Variants in CD46 observed in about 807,000 individuals in gnomAD.
The protein encoded by CD46 is membrane cofactor protein.
A neutral mutation model predicts 53.3 loss-of-function variants in CD46; 30 were observed. The ratio of observed to expected loss-of-function variants is 0.56; its 90% CI spans 0.42 to 0.76. The LOEUF is 0.76. CD46 is among the 30% of genes least tolerant of loss of function. The probability of loss-of-function intolerance (pLI) is 0.00; values close to 1 mark genes in which losing one functional copy is unlikely to be tolerated. For missense variants in CD46, 409 were observed against 463.0 expected, an observed-to-expected ratio of 0.88 and a Z score of 1.07; for synonymous variants, 142 against 152.0, an observed-to-expected ratio of 0.93 and a Z score of 0.48.
At chr1:207,759,516 T>A (rs1274689625) in intron 3 of CD46, 123 bp from the exon 4 acceptor site, 1 of 642,338 alleles carries the variant, frequency 1.6e-6, no homozygotes, top group Admixed American at 2.8e-5. Context: ...AGTATGTTGT[T>A]TAAGAAACCA....
intron 8 of CD46, among the ~76,000 whole-genome samples, chr1:207,779,587 G>T (rs565511562): frequency 8.9e-4 from 135 of 152,150 alleles, no homozygotes; most frequent in African/African-American, 2.9e-3. Context: ...TATGACTTTG[G>T]TGTCTTTCTT....
At chr1:207,782,415 C>A (rs1658833524) in intron 8 of CD46, among the ~76,000 whole-genome samples, 1 of 152,044 alleles carries the variant, frequency 6.6e-6, no homozygotes, top group South Asian at 2.1e-4. Context: ...ATTTGAATTT[C>A]TTTTTCTTAC....
intron 4 of CD46, 171 bp downstream of exon 4, chr1:207,759,895 AATTATT>A (rs1384783725): frequency 8.9e-6 from 5 of 563,700 alleles, no homozygotes. Context: ...GTTTTTAAAT[AATTATT>A]GATTCTTTTT....
At chr1:207,772,646 T>C (rs1388144639) in intron 8 of CD46, among the ~76,000 whole-genome samples, 1 of 152,248 alleles carries the variant, frequency 6.6e-6, no homozygotes, top group Non-Finnish European at 1.5e-5. Flanking sequence ...TTTCTGCATC[T>C]ATTGAAATAG....
At position 207,794,251 on chromosome 1, in the gene CD46, C is replaced by G. The variant is rs1660057675; in HGVS notation, c.*774C>G. The G allele has an allele frequency of 6.5e-6, 1 of 152,688 alleles. No homozygotes were observed. Among genetic ancestry groups the G allele is most frequent in the African/African-American group, 2.4e-5 (1 of 41,458 alleles). 9.5% of individuals were successfully genotyped at this position (152,688 alleles called of 1,614,324 possible). ...TTTGTTTTCACTTTTTAAAACATCC[C>G]TAACTGATCGAATATATCAGTAATT... On this transcript the variant is annotated 3_prime_UTR_variant, in exon 13 of 13. Transcript: ENST00000367042.
intron 1 of CD46, among the ~76,000 whole-genome samples, chr1:207,753,729 C>T (rs1280531613): frequency 1.3e-5 from 2 of 151,938 alleles, no homozygotes; most frequent in Admixed American, 6.6e-5. Context: ...TTGTGCGATA[C>T]GAACAGAATC....
intron 9 of CD46, chr1:207,783,574 AAAGCAATCTAAGTTGGGTTT>A: frequency 3.0e-6 from 1 of 336,260 alleles, no homozygotes; most frequent in Non-Finnish European, 5.5e-6. Context: ...CATGAACCTT[AAAGCAATCTAAGTTGGGTTT>A]ATTTTTTCTG....
intron 1 of CD46, among the ~76,000 whole-genome samples, chr1:207,753,125 A>G (rs867000245): frequency 6.6e-6 from 1 of 151,988 alleles, no homozygotes; most frequent in East Asian, 1.9e-4. Flanking sequence ...ACCAATATAG[A>G]TAGTATCTGA....
In CD46 at chr1:207,757,597, G is replaced by A. The variant is rs1655706754; in HGVS notation, c.344G>A (p.Gly115Glu). ...PLNGQAVPAN[G>E]TYEFGYQMHF... ...AATGGCCAAGCAGTCCCTGCAAATG[G>A]GACTTACGAGTTTGGTTATCAGATG... Residue 115 changes from glycine to glutamate, a missense_variant, in exon 3 of 13, where the codon GGG becomes GAG. Coordinates refer to ENST00000367042, the MANE Select transcript of CD46 (RefSeq NM_172351.3). The A allele has an allele frequency of 6.2e-7, 1 of 1,611,762 alleles. No individual in the cohort carries two copies. The highest frequency in any genetic ancestry group is 8.5e-7 in the Non-Finnish European group (1 of 1,178,716).
intron 11 of CD46, among the ~76,000 whole-genome samples, chr1:207,787,664 T>C (rs1659394970): frequency 6.6e-6 from 1 of 152,218 alleles, no homozygotes; most frequent in African/African-American, 2.4e-5. Flanking sequence ...CCTAATTGCC[T>C]TTGAACTTTA....
chr1:207,785,814 G>T (rs1353862550), intron 11 of CD46, 132 bp downstream of exon 11: 8 of 681,490 alleles, frequency 1.2e-5, no homozygotes, highest in African/African-American at 1.8e-5. Flanking sequence ...GCATTAGTTT[G>T]TCCTACCAAT....
chr1:207,785,798 ATGCC>A, intron 11 of CD46, 116 bp downstream of exon 11: 1 of 532,806 alleles, frequency 1.9e-6, no homozygotes, highest in Non-Finnish European at 3.3e-6. Context: ...TTTTAAAAAA[ATGCC>A]TGCATTAGTT....
At chr1:207,756,307 A>G (rs1655529627) in intron 1 of CD46, among the ~76,000 whole-genome samples, 1 of 152,248 alleles carries the variant, frequency 6.6e-6, no homozygotes, top group Non-Finnish European at 1.5e-5. Flanking sequence ...CTGAAAAGCA[A>G]CAGACTCATC....
At chr1:207,784,325 TAAG>T (rs1303278063) in intron 9 of CD46, among the ~76,000 whole-genome samples, 1 of 152,202 alleles carries the variant, frequency 6.6e-6, no homozygotes, top group Admixed American at 6.5e-5. Flanking sequence ...TCTACCAAAA[TAAG>T]AAATGACAGA....
chr1:207,785,791 T>TAAAAA, intron 11 of CD46, 109 bp downstream of exon 11: 1 of 722,796 alleles, frequency 1.4e-6, no homozygotes, highest in Non-Finnish European at 2.4e-6. Context: ...TTTTTTTTTT[T>TAAAAA]AAAAAAATGC....
intron 11 of CD46, chr1:207,786,051 T>C (rs377718302): frequency 9.5e-6 from 2 of 210,620 alleles, no homozygotes; most frequent in Middle Eastern, 2.1e-3. Flanking sequence ...AGTATTTCAC[T>C]GTGGAGACTT....
At chr1:207,791,730 T>C (rs1659818359) in intron 12 of CD46, among the ~76,000 whole-genome samples, 1 of 152,240 alleles carries the variant, frequency 6.6e-6, no homozygotes, top group Non-Finnish European at 1.5e-5. Context: ...TAGGACACTT[T>C]TGAGACTAAA....
chr1:207,762,178 A>C (rs1656290316), intron 5 of CD46, among the ~76,000 whole-genome samples: 2 of 152,234 alleles, frequency 1.3e-5, no homozygotes, highest in African/African-American at 4.8e-5. Flanking sequence ...TGCATAAAAG[A>C]AGTAGTCAGC....
chr1:207,752,107 G>A lies in CD46; in HGVS notation c.-106G>A. 1.9e-6 allele frequency: 2 copies of A among 1,053,458 alleles called. No individual in the cohort carries two copies. The highest frequency in any genetic ancestry group is 2.9e-6 in the Non-Finnish European group (2 of 680,480). 65.3% of individuals were successfully genotyped at this position (1,053,458 alleles called of 1,614,324 possible). The stretch of plus-strand genomic sequence containing the variant: ...CAGCACTGGATGCTTTGTGAGTTGG[G>A]GATTGTTGCGTCCCATATCTGGACC... On this transcript the variant is annotated 5_prime_UTR_variant, in exon 1 of 13. Transcript: ENST00000367042. This position sits in a 1 kb window ranked among gnomAD's most constrained non-coding sequence, Gnocchi z 4.1.
Sources: allele counts gnomAD v4.1 joint callset (sites outside exome capture counted in the v4.1 genomes callset), GRCh38; gene constraint gnomAD v4.1.1; non-coding constraint Gnocchi (gnomAD v3.1); transcripts MANE v1.5; gene names NCBI Gene and HGNC (gene_info 2026-07-23, HGNC 2026-07-21).